The following MPHOSPH9 variants were observed in gnomAD, a reference collection of about 807,000 sequenced individuals.
The protein encoded by MPHOSPH9 is M-phase phosphoprotein 9.
Under a neutral mutation model 145.5 loss-of-function variants are expected in MPHOSPH9, and 88 were observed. The observed-to-expected ratio is 0.60, with a 90% CI of 0.51 to 0.72. The LOEUF is 0.72. MPHOSPH9 is among the 30% of genes least tolerant of loss of function. The pLI is 0.00. For synonymous variants in MPHOSPH9, 435 were observed against 486.2 expected, an observed-to-expected ratio of 0.89 and a Z score of 1.39; for missense variants, 1,238 against 1,386.6, an observed-to-expected ratio of 0.89 and a Z score of 1.70.
intron 13 of MPHOSPH9, among the ~76,000 whole-genome samples, chr12:123,191,062 C>T (rs568482968): frequency 6.6e-6 from 1 of 152,266 alleles, no homozygotes; most frequent in South Asian, 2.1e-4. Context: ...TGGCTCATGC[C>T]TGTCATCTCA....
At chr12:123,178,921 C>A (rs543428280) in intron 15 of MPHOSPH9, among the ~76,000 whole-genome samples, 1 of 152,324 alleles carries the variant, frequency 6.6e-6, no homozygotes, top group South Asian at 2.1e-4. Flanking sequence ...AGTCTCCAAC[C>A]GGTCTTTCTG....
chr12:123,173,308 T>C (rs998521403), intron 16 of MPHOSPH9, among the ~76,000 whole-genome samples: 3 of 152,330 alleles, frequency 2.0e-5, no homozygotes, highest in Non-Finnish European at 4.4e-5. Flanking sequence ...CAATGTGAGA[T>C]TATGACATAT....
intron 6 of MPHOSPH9, 97 bp from the exon 7 acceptor site, chr12:123,214,931 A>G: frequency 2.0e-6 from 2 of 980,508 alleles, no homozygotes; most frequent in South Asian, 1.3e-5. Context: ...AGGTGGGGAG[A>G]AACCTTCAGA....
chr12:123,197,378 C>T (rs931393201), intron 12 of MPHOSPH9, among the ~76,000 whole-genome samples: 4 of 151,694 alleles, frequency 2.6e-5, no homozygotes, highest in African/African-American at 9.7e-5. Context: ...CTGTATGTTA[C>T]CCAGGCTGGT....
At chr12:123,152,509 C>A (rs1332385432), downstream of MPHOSPH9, 2 of 453,930 alleles carry the variant, frequency 4.4e-6, no homozygotes, top group Non-Finnish European at 8.9e-6. Context: ...GTCACTGTTA[C>A]AGTGAAATTG....
chr12:123,202,548 G>A (rs991620447), intron 10 of MPHOSPH9, 76 bp downstream of exon 10: 51 of 1,408,786 alleles, frequency 3.6e-5, no homozygotes, highest in Non-Finnish European at 4.8e-5. Context: ...CAATACTGAA[G>A]TTCAATAAAG....
intron 13 of MPHOSPH9, among the ~76,000 whole-genome samples, chr12:123,189,762 G>A (rs370339970): frequency 1.6e-4 from 25 of 151,812 alleles, no homozygotes; most frequent in Non-Finnish European, 3.2e-4. Flanking sequence ...GTGAAACCCC[G>A]TCTCTACTAA....
intron 4 of MPHOSPH9, among the ~76,000 whole-genome samples, chr12:123,222,443 A>C (rs1316881292): frequency 6.6e-6 from 1 of 152,162 alleles, no homozygotes; most frequent in Non-Finnish European, 1.5e-5. Context: ...AGGCGGGCAG[A>C]TCAAGAGGTC....
intron 23 of MPHOSPH9, among the ~76,000 whole-genome samples, chr12:123,157,792 T>G (rs2043934379): frequency 6.6e-6 from 1 of 152,110 alleles, no homozygotes; most frequent in African/African-American, 2.4e-5. Context: ...CAGCCTCATT[T>G]TAGTTAATTT....
chr12:123,179,571 T>C (rs1420352122), intron 15 of MPHOSPH9, among the ~76,000 whole-genome samples: 2 of 151,764 alleles, frequency 1.3e-5, no homozygotes, highest in Non-Finnish European at 2.9e-5. Context: ...TAAGACTCTG[T>C]ATCAACAACA....
intron 7 of MPHOSPH9, among the ~76,000 whole-genome samples, chr12:123,214,425 T>C (rs561817560): frequency 1.7e-4 from 26 of 152,246 alleles, no homozygotes; most frequent in Admixed American, 1.3e-3. Context: ...GTCCCAGCTA[T>C]TCTTGGGAAG....
chr12:123,204,665 G>A (rs1162144325), intron 8 of MPHOSPH9, among the ~76,000 whole-genome samples: 2 of 152,024 alleles, frequency 1.3e-5, no homozygotes, highest in Admixed American at 1.3e-4. Context: ...GCCTGAGGTC[G>A]GGAGTTCGAG....
chr12:123,163,700 AAAC>A, intron 19 of MPHOSPH9: 1 of 378,416 alleles, frequency 2.6e-6, no homozygotes. Context: ...TATTAGTTGT[AAAC>A]AATTTACTGG....
At chr12:123,222,410 A>G (rs2047243442) in intron 4 of MPHOSPH9, among the ~76,000 whole-genome samples, 1 of 152,080 alleles carries the variant, frequency 6.6e-6, no homozygotes, top group African/African-American at 2.4e-5. Flanking sequence ...TCACGCCTGT[A>G]ATCCCAGCAC....
intron 16 of MPHOSPH9, among the ~76,000 whole-genome samples, chr12:123,168,947 C>T (rs990593792): frequency 6.7e-6 from 1 of 150,318 alleles, no homozygotes; most frequent in Non-Finnish European, 1.5e-5. Context: ...TGCAGTGGCG[C>T]GATCTCGGCT....
intron 16 of MPHOSPH9, among the ~76,000 whole-genome samples, chr12:123,169,614 T>C (rs2044486695): frequency 6.6e-6 from 1 of 152,128 alleles, no homozygotes; most frequent in African/African-American, 2.4e-5. Context: ...ATTTTTTTTT[T>C]TCTTGAGATG....
chr12:123,161,342 G>C lies in MPHOSPH9; in HGVS notation c.3175C>G (p.His1059Asp). The C allele has an allele frequency of 1.9e-6, 3 of 1,614,076 alleles. No individual in the cohort carries two copies. The highest frequency in any genetic ancestry group is 2.5e-6 in the Non-Finnish European group (3 of 1,179,988). ...GGCACCGGTTCAGGGCAAGAGCTAT[G>C]ATTAACATGGTTATCGGTGGCTTTC... ...SEKATDNHVN[H>D]SSCPEPVPNG... The change falls in exon 22 of 24, where the codon CAT (histidine) becomes GAT (aspartate). Residue 1059 changes from histidine (H) to aspartate (D), a missense_variant. By Grantham distance (81) the His-to-Asp change is moderately conservative (BLOSUM62 -1). Around this residue, in one of 3 missense-constraint regions of MPHOSPH9, gnomAD observed 393 missense variants for 462.5 expected, o/e 0.85. Transcript: ENST00000606320.
intron 1 of MPHOSPH9, among the ~76,000 whole-genome samples, chr12:123,240,347 A>T (rs371065707): frequency 6.8e-6 from 1 of 147,968 alleles, no homozygotes; most frequent in African/African-American, 2.5e-5. Flanking sequence ...GACTCCGTCT[A>T]AAAAAAAAAG....
chr12:123,240,513 T>A (rs1180874643), intron 1 of MPHOSPH9: 2 of 151,466 alleles, frequency 1.3e-5, no homozygotes, highest in Non-Finnish European at 2.9e-5. Flanking sequence ...ACTGTTTCAG[T>A]TAGTCTCCGC....
Sources: allele counts gnomAD v4.1 joint callset (sites outside exome capture counted in the v4.1 genomes callset), GRCh38; gene constraint gnomAD v4.1.1; regional missense constraint gnomAD v4.1.1; transcripts MANE v1.5; gene names NCBI Gene and HGNC (gene_info 2026-07-23, HGNC 2026-07-21).